Variants in GARIN2 observed in about 807,000 individuals in gnomAD.
The protein encoded by GARIN2 is Golgi-associated RAB2 interactor protein 2.
the GARIN2 span, among the ~76,000 whole-genome samples, chr14:67,221,529 G>T: frequency 7.2e-5 from 11 of 152,194 alleles, no homozygotes; most frequent in African/African-American, 2.7e-4. Flanking sequence ...AATAAGAATA[G>T]ATTACATATT....
the GARIN2 span, among the ~76,000 whole-genome samples, chr14:67,216,927 T>C: frequency 6.6e-6 from 1 of 152,164 alleles, no homozygotes; most frequent in African/African-American, 2.4e-5. Context: ...TGTTAAGTCA[T>C]TTGGTCTGTG....
the GARIN2 span, among the ~76,000 whole-genome samples, chr14:67,193,291 C>CATCTATCTATATATCTCTATATAGAT: frequency 1.7e-5 from 2 of 118,108 alleles, no homozygotes; most frequent in South Asian, 6.0e-4. Context: ...TCTATATAGA[C>CATCTATCTATATATCTCTATATAGAT]ATCTATCTAT....
At chr14:67,211,010 C>T in the GARIN2 span, among the ~76,000 whole-genome samples, 1 of 152,006 alleles carries the variant, frequency 6.6e-6, no homozygotes, top group Non-Finnish European at 1.5e-5. Context: ...AAAAAACAAA[C>T]AAAAACAGAG....
the GARIN2 span, among the ~76,000 whole-genome samples, chr14:67,216,380 T>G: frequency 5.3e-5 from 8 of 151,798 alleles, no homozygotes; most frequent in African/African-American, 4.8e-5. Flanking sequence ...TATTTTGGGG[T>G]TTTTTTTCAG....
chr14:67,200,769 AT>A, the GARIN2 span, among the ~76,000 whole-genome samples: 1 of 152,006 alleles, frequency 6.6e-6, no homozygotes, highest in Non-Finnish European at 1.5e-5. Context: ...TAATGTTTTC[AT>A]TTTTTCACCT....
the GARIN2 span, among the ~76,000 whole-genome samples, chr14:67,219,782 T>C: frequency 1.3e-5 from 2 of 152,160 alleles, no homozygotes; most frequent in Admixed American, 1.3e-4. Context: ...CTCAGCTCCC[T>C]ACGCCATTTA....
chr14:67,198,468 A>C, the GARIN2 span: 1 of 730,144 alleles, frequency 1.4e-6, no homozygotes, highest in Non-Finnish European at 2.2e-6. Context: ...ACTTTAAAAA[A>C]CCTGAAATAA....
the GARIN2 span, among the ~76,000 whole-genome samples, chr14:67,227,257 T>G: frequency 2.6e-5 from 4 of 151,920 alleles, no homozygotes; most frequent in Non-Finnish European, 5.9e-5. Flanking sequence ...CTGGCCAATA[T>G]GGTGAAACCC....
At chr14:67,224,125 T>A in the GARIN2 span, 3 of 519,458 alleles carry the variant, frequency 5.8e-6, no homozygotes, top group African/African-American at 6.2e-5. Flanking sequence ...AAGTTAAATT[T>A]TTTTTCTCCT....
At chr14:67,204,581 A>T in the GARIN2 span, 1 of 1,613,696 alleles carries the variant, frequency 6.2e-7, no homozygotes, top group Non-Finnish European at 8.5e-7. Flanking sequence ...CATGATGCGG[A>T]GAACATGAGC....
At chr14:67,217,334 G>A in the GARIN2 span, among the ~76,000 whole-genome samples, 1 of 152,082 alleles carries the variant, frequency 6.6e-6, no homozygotes, top group Non-Finnish European at 1.5e-5. Context: ...GCAGCATATA[G>A]TTGGGTCATT....
chr14:67,200,184 A>G, the GARIN2 span: 1 of 1,147,168 alleles, frequency 8.7e-7, no homozygotes, highest in Middle Eastern at 2.3e-4. Flanking sequence ...GTATGCGTGG[A>G]CTTCCTCCAC....
the GARIN2 span, among the ~76,000 whole-genome samples, chr14:67,194,309 A>G: frequency 6.6e-6 from 1 of 151,456 alleles, no homozygotes; most frequent in Non-Finnish European, 1.5e-5. Flanking sequence ...GGCTGCAGTG[A>G]GCCAAGATCA....
the GARIN2 span, chr14:67,202,973 C>T: frequency 2.8e-6 from 3 of 1,079,454 alleles, no homozygotes; most frequent in South Asian, 5.4e-5. Context: ...AGTGAAGGAA[C>T]AAATATATCA....
chr14:67,193,814 G>C, the GARIN2 span, among the ~76,000 whole-genome samples: 184 of 148,772 alleles, frequency 1.2e-3, no homozygotes, highest in African/African-American at 4.3e-3. Flanking sequence ...GTATGGTAGC[G>C]TGTACCTGTA....
At chr14:67,223,795 TC>T in the GARIN2 span, 1 of 985,692 alleles carries the variant, frequency 1.0e-6, no homozygotes, top group African/African-American at 1.7e-5. Context: ...AGCATTTCTT[TC>T]CCCATTTTCA....
chr14:67,192,454 T>C, the GARIN2 span, among the ~76,000 whole-genome samples: 33 of 151,954 alleles, frequency 2.2e-4, no homozygotes, highest in Admixed American at 1.0e-3. Context: ...GATATCTTAG[T>C]AAGGTGATTG....
the GARIN2 span, chr14:67,208,481 C>A: frequency 9.4e-6 from 15 of 1,591,480 alleles, no homozygotes; most frequent in African/African-American, 1.9e-4. Flanking sequence ...CAAAGGAATT[C>A]TAAGACATGA....
the GARIN2 span, chr14:67,201,634 C>T: frequency 1.2e-5 from 5 of 428,228 alleles, no homozygotes; most frequent in African/African-American, 2.0e-5. Context: ...GGAACCACCA[C>T]TACCCATTTA....
Sources: allele counts gnomAD v4.1 joint callset (sites outside exome capture counted in the v4.1 genomes callset), GRCh38; gene constraint gnomAD v4.1.1; transcripts MANE v1.5; gene names NCBI Gene and HGNC (gene_info 2026-07-23, HGNC 2026-07-21).